Variants in NEDD9 observed in about 807,000 individuals in gnomAD.
NEDD9 encodes the protein enhancer of filamentation 1.
Under a neutral mutation model 76.6 loss-of-function variants are expected in NEDD9, and 26 were observed. The observed-to-expected ratio is 0.34, with a 90% confidence interval of 0.25 to 0.47. The LOEUF is 0.47. Ranked by LOEUF, NEDD9 falls within the 20% of genes least tolerant of loss-of-function variation. NEDD9 has a pLI of 1.00. For missense variants in NEDD9, 937 were observed against 1,058.5 expected, an observed-to-expected ratio of 0.89 and a Z score of 1.59; for synonymous variants, 392 against 414.2, an observed-to-expected ratio of 0.95 and a Z score of 0.65.
intron 2 of NEDD9, among the ~76,000 whole-genome samples, chr6:11,319,791 C>CA (rs1761740898): frequency 2.0e-5 from 3 of 151,858 alleles, no homozygotes; most frequent in Admixed American, 1.3e-4. Context: ...CACTAACATG[C>CA]ACACTCACAC....
intron 3 of NEDD9, among the ~76,000 whole-genome samples, chr6:11,297,681 G>A (rs541951768): frequency 6.6e-6 from 1 of 152,222 alleles, no homozygotes; most frequent in East Asian, 1.9e-4. Context: ...TAAAACTCAG[G>A]AAGCTTCTTT....
intron 6 of NEDD9, 116 bp from the exon 7 acceptor site, chr6:11,185,787 A>G: frequency 8.1e-7 from 1 of 1,236,990 alleles, no homozygotes; most frequent in Non-Finnish European, 1.1e-6. Flanking sequence ...TGTCAGATGC[A>G]TGTGAGCTGT....
chr6:11,369,906 C>T (rs1762832175), intron 1 of NEDD9, among the ~76,000 whole-genome samples: 1 of 152,220 alleles, frequency 6.6e-6, no homozygotes, highest in African/African-American at 2.4e-5. Context: ...TCATGCTCAA[C>T]TGCATTTCAC....
At chr6:11,307,567 G>A (rs945332760) in intron 2 of NEDD9, among the ~76,000 whole-genome samples, 2 of 152,024 alleles carry the variant, frequency 1.3e-5, no homozygotes, top group Admixed American at 6.6e-5. Flanking sequence ...AGGTGTCTGT[G>A]CTTATAAGAC....
intron 3 of NEDD9, among the ~76,000 whole-genome samples, chr6:11,285,335 A>C (rs1301845062): frequency 6.6e-6 from 1 of 152,196 alleles, no homozygotes; most frequent in Non-Finnish European, 1.5e-5. Context: ...GTTGAGAAAA[A>C]TTAAAGAAGA....
At chr6:11,200,277 A>G in intron 2 of NEDD9, 1 of 457,774 alleles carries the variant, frequency 2.2e-6, no homozygotes, top group Non-Finnish European at 4.4e-6. Flanking sequence ...CCACCCTTGC[A>G]CAGGCTGAAG....
chr6:11,185,195 G>T lies in NEDD9; in HGVS notation c.2472C>A (p.Phe824Leu). The change falls in exon 7 of 7, where the codon TTC (phenylalanine) becomes TTA (leucine). Residue 824 changes from phenylalanine to leucine, a missense_variant. Coordinates refer to ENST00000379446, the MANE Select transcript of NEDD9 (RefSeq NM_006403.4). ...TTGCCATCTCCAGCAAAGAGCGCTT[G>T]AACAGCTGGGCATTTCTAGAAAGGT... is the stretch of plus-strand genomic sequence containing the variant. ...VTDLSRNAQL[F>L]KRSLLEMATF The T allele has an allele frequency of 6.2e-7, 1 of 1,613,636 alleles. No individual in the cohort carries two copies. Among genetic ancestry groups the T allele is most frequent in the South Asian group, 1.1e-5 (1 of 91,058 alleles).
chr6:11,342,042 C>T (rs554087119), intron 1 of NEDD9, among the ~76,000 whole-genome samples: 1 of 151,968 alleles, frequency 6.6e-6, no homozygotes, highest in East Asian at 1.9e-4. Context: ...TTGTGCAATG[C>T]CTGAAGTGAA....
chr6:11,379,278 T>A (rs1434283237), intron 1 of NEDD9, among the ~76,000 whole-genome samples: 2 of 23,102 alleles, frequency 8.7e-5, no homozygotes, highest in African/African-American at 4.2e-4. Flanking sequence ...GTCAGCAACG[T>A]TTTTTTCTTT....
chr6:11,365,988 G>A (rs1409139840), intron 1 of NEDD9, among the ~76,000 whole-genome samples: 5 of 147,618 alleles, frequency 3.4e-5, no homozygotes, highest in African/African-American at 7.6e-5. Context: ...AAGAGACACA[G>A]TCAAAAAAAG....
chr6:11,259,923 G>A (rs1281593519), intron 3 of NEDD9, among the ~76,000 whole-genome samples: 1 of 32,330 alleles, frequency 3.1e-5, no homozygotes, highest in Non-Finnish European at 6.1e-5. Context: ...TGCAGTGCTT[G>A]ACTGCGCCCT....
intron 1 of NEDD9, among the ~76,000 whole-genome samples, chr6:11,356,728 C>T (rs1359121531): frequency 1.2e-5 from 1 of 86,628 alleles, no homozygotes. Context: ...TCATAACCCA[C>T]CCCCCCCACC....
At position 11,237,942 on chromosome 6, in the gene NEDD9, T is replaced by C. The variant is rs908537898; in HGVS notation, c.13-24215A>G. Reference sequence around the variant, plus strand: ...ACCATTCTAGGGCCATGTTTTATCATTTCTAGTTTGACATTAGTTTTTAAA... The same window carrying C: ...ACCATTCTAGGGCCATGTTTTATCACTTCTAGTTTGACATTAGTTTTTAAA... On this transcript the variant is annotated intron_variant, in intron 3 of 3. Coordinates refer to the NEDD9 transcript ENST00000397378. The surrounding 1 kb of genome is among the most constrained non-coding windows in gnomAD (Gnocchi z 4.9). Among the ~76,000 whole-genome samples, 2 of 152,230 alleles carry C rather than the reference T, an allele frequency of 1.3e-5. No homozygotes were observed. The highest frequency in any genetic ancestry group is 2.1e-4 in the South Asian group (1 of 4,836).
intron 1 of NEDD9, among the ~76,000 whole-genome samples, chr6:11,341,489 A>G (rs964025955): frequency 1.3e-5 from 2 of 152,228 alleles, no homozygotes; most frequent in African/African-American, 4.8e-5. Context: ...AGGGAAAACC[A>G]TCAGAGGCTT....
chr6:11,284,483 G>T (rs895893483), intron 3 of NEDD9, among the ~76,000 whole-genome samples: 1 of 151,240 alleles, frequency 6.6e-6, no homozygotes, highest in Admixed American at 6.6e-5. Flanking sequence ...GGAGAATGGC[G>T]TGAACCCGGG....
At chr6:11,347,344 C>T (rs1377702095) in intron 1 of NEDD9, among the ~76,000 whole-genome samples, 2 of 152,142 alleles carry the variant, frequency 1.3e-5, no homozygotes, top group African/African-American at 4.8e-5. Flanking sequence ...CCAAATTCTA[C>T]CAGATGTACA....
intron 2 of NEDD9, among the ~76,000 whole-genome samples, chr6:11,323,295 G>T (rs1258688167): frequency 6.6e-6 from 1 of 152,248 alleles, no homozygotes; most frequent in Non-Finnish European, 1.5e-5. Flanking sequence ...TTACTAACTT[G>T]CCCAGGAGTG....
chr6:11,360,542 G>A (rs116307288), intron 1 of NEDD9, among the ~76,000 whole-genome samples: 3,014 of 138,964 alleles, frequency 0.022, 100 homozygotes, highest in African/African-American at 0.072. Flanking sequence ...TCTCCTGATA[G>A]TGAGTGAGTT....
At chr6:11,275,877 T>C (rs1393258235) in intron 3 of NEDD9, among the ~76,000 whole-genome samples, 1 of 152,222 alleles carries the variant, frequency 6.6e-6, no homozygotes, top group Non-Finnish European at 1.5e-5. Flanking sequence ...CTTGTAGTTA[T>C]TGGCTTTGCT....
Sources: gnomAD v4.1 joint callset for allele counts (sites outside exome capture counted in the v4.1 genomes callset) on GRCh38, gnomAD v4.1.1 for gene constraint, Gnocchi (gnomAD v3.1) non-coding constraint, MANE v1.5 for transcripts, NCBI Gene and HGNC (gene_info 2026-07-23, HGNC 2026-07-21) for gene names.